The following KLF12 variants were observed in gnomAD, a reference collection of about 807,000 sequenced individuals.
KLF12 encodes the protein KLF transcription factor 12.
A neutral mutation model predicts 37.8 loss-of-function variants in KLF12; 9 were observed. The ratio of observed to expected loss-of-function variants is 0.24; its 90% CI spans 0.14 to 0.42. The LOEUF (loss-of-function observed/expected upper bound fraction) is 0.42, where lower values mean the gene tolerates loss of function less well. KLF12 is among the 10% of genes least tolerant of loss of function. The probability of loss-of-function intolerance (pLI) is 1.00; values close to 1 mark genes in which losing one functional copy is unlikely to be tolerated. For missense variants in KLF12, 411 were observed against 516.0 expected (o/e 0.80, Z 1.97); for synonymous variants, 208 against 202.1 (o/e 1.03, Z -0.25).
At chr13:73,742,048 G>A (rs545455473) in intron 6 of KLF12, among the ~76,000 whole-genome samples, 1 of 152,242 alleles carries the variant, frequency 6.6e-6, no homozygotes, top group African/African-American at 2.4e-5. Flanking sequence ...CGGATATGGT[G>A]AGTTTTAAGC....
chr13:74,201,641 A>C, the KLF12 span, among the ~76,000 whole-genome samples: 1 of 152,114 alleles, frequency 6.6e-6, no homozygotes, highest in Non-Finnish European at 1.5e-5. Context: ...CCTGCCTCTC[A>C]TTCTACTCTT....
chr13:73,889,038 C>T lies in KLF12; in HGVS notation c.124-42665G>A, dbSNP rs144540922. 3.4e-3 allele frequency among the ~76,000 whole-genome samples: 522 copies of T among 152,290 alleles called. 2 individuals carry two copies. Among genetic ancestry groups the T allele is most frequent in the African/African-American group, 0.012 (481 of 41,568 alleles). ...TTTTACAGATTATTTTAGATCCAGA[C>T]TGATTTATGTAGACTTGCCAACATC... On this transcript the variant is annotated intron_variant, in intron 3 of 7. Transcript: ENST00000377669.
chr13:73,969,764 T>C (rs1891277250), intron 2 of KLF12, among the ~76,000 whole-genome samples: 1 of 152,214 alleles, frequency 6.6e-6, no homozygotes, highest in African/African-American at 2.4e-5. Context: ...GAAGTAGTAC[T>C]TTCACAGCTC....
At chr13:73,995,610 T>A (rs1301206892) in intron 1 of KLF12, among the ~76,000 whole-genome samples, 2 of 152,086 alleles carry the variant, frequency 1.3e-5, no homozygotes, top group South Asian at 2.1e-4. Context: ...CAAGTAACTT[T>A]AAAAAAATGA....
intron 6 of KLF12, among the ~76,000 whole-genome samples, chr13:73,760,611 C>G (rs1003100947): frequency 6.6e-6 from 1 of 152,284 alleles, no homozygotes; most frequent in Middle Eastern, 3.4e-3. Context: ...GTGTGAGCCA[C>G]CACATTTGGC....
At chr13:73,870,990 G>C (rs1291259288) in intron 3 of KLF12, among the ~76,000 whole-genome samples, 1 of 152,142 alleles carries the variant, frequency 6.6e-6, no homozygotes, top group Admixed American at 6.5e-5. Flanking sequence ...CAAAGTATGA[G>C]ATATGACTGA....
intron 1 of KLF12, among the ~76,000 whole-genome samples, chr13:74,073,356 A>T (rs1874385880): frequency 6.6e-6 from 1 of 152,212 alleles, no homozygotes; most frequent in Admixed American, 6.5e-5. Context: ...GGACAGTGGA[A>T]TCACATGCAG....
At chr13:74,101,764 G>A (rs559607189) in intron 1 of KLF12, among the ~76,000 whole-genome samples, 25 of 152,276 alleles carry the variant, frequency 1.6e-4, no homozygotes, top group Middle Eastern at 3.4e-3. Context: ...AGTAAACTAG[G>A]AATCTGTGAC....
intron 2 of KLF12, among the ~76,000 whole-genome samples, chr13:73,949,230 C>T (rs1369616715): frequency 6.6e-6 from 1 of 152,148 alleles, no homozygotes; most frequent in Non-Finnish European, 1.5e-5. Flanking sequence ...TATCAATATG[C>T]ACTCCTAATA....
At chr13:73,967,840 T>A (rs1414995634) in intron 2 of KLF12, among the ~76,000 whole-genome samples, 1 of 152,182 alleles carries the variant, frequency 6.6e-6, no homozygotes. Context: ...CTCAGACTAA[T>A]AATTATGAGC....
the KLF12 span, among the ~76,000 whole-genome samples, chr13:74,214,711 T>C: frequency 6.6e-6 from 1 of 152,316 alleles, no homozygotes; most frequent in Non-Finnish European, 1.5e-5. Context: ...CCTAGTGCTC[T>C]GAAATTTCAG....
intron 2 of KLF12, among the ~76,000 whole-genome samples, chr13:73,965,698 C>T (rs1327701916): frequency 6.6e-6 from 1 of 152,200 alleles, no homozygotes; most frequent in Non-Finnish European, 1.5e-5. Context: ...CCCCTTTCCA[C>T]CTTTCATCTT....
chr13:74,051,094 AT>A lies in KLF12; in HGVS notation c.-31-56042del, dbSNP rs1217101522. On this transcript the variant is annotated intron_variant, in intron 1 of 7. Transcript: ENST00000377669. ...TTTTACACTGCTGGTGGGAACAGAA[AT>A]TACAACAGCCATTACAGAAAAGTGT... is the stretch of plus-strand genomic sequence containing the variant. Among the ~76,000 whole-genome samples the A allele has an allele frequency of 5.9e-5, 9 of 152,216 alleles. No homozygotes were observed. In the South Asian group the frequency reaches 8.3e-4, roughly 14 times the overall value.
chr13:73,777,892 G>A (rs1338312101), intron 5 of KLF12, among the ~76,000 whole-genome samples: 1 of 151,948 alleles, frequency 6.6e-6, no homozygotes. Flanking sequence ...AGCACCTTGG[G>A]AGGCCGAGGC....
intron 1 of KLF12, among the ~76,000 whole-genome samples, chr13:74,008,977 G>A (rs1032401566): frequency 2.0e-5 from 3 of 152,310 alleles, no homozygotes; most frequent in East Asian, 1.9e-4. Context: ...AGATACAAAT[G>A]AGGACCATGG....
intron 1 of KLF12, among the ~76,000 whole-genome samples, chr13:74,061,979 G>GT (rs998514568): frequency 4.6e-5 from 7 of 152,128 alleles, no homozygotes; most frequent in Non-Finnish European, 1.0e-4. Flanking sequence ...CTTTGGTGGG[G>GT]TTTTTTTGCA....
chr13:73,933,404 T>G (rs1319423498), intron 3 of KLF12, among the ~76,000 whole-genome samples: 1 of 152,214 alleles, frequency 6.6e-6, no homozygotes, highest in South Asian at 2.1e-4. Flanking sequence ...CAAGATGTGA[T>G]CATGTCTTCT....
chr13:74,060,605 T>C (rs1873540259), intron 1 of KLF12, among the ~76,000 whole-genome samples: 1 of 151,862 alleles, frequency 6.6e-6, no homozygotes, highest in South Asian at 2.1e-4. Flanking sequence ...AACTGAATTT[T>C]GTACACTGGT....
chr13:74,126,677 A>G (rs1469042476), intron 1 of KLF12, among the ~76,000 whole-genome samples: 1 of 152,216 alleles, frequency 6.6e-6, no homozygotes, highest in Admixed American at 6.5e-5. Flanking sequence ...AATTTTTGCC[A>G]AAAGTGGCAA....
Sources: allele counts gnomAD v4.1 joint callset (sites outside exome capture counted in the v4.1 genomes callset), GRCh38; gene constraint gnomAD v4.1.1; transcripts MANE v1.5; gene names NCBI Gene and HGNC (gene_info 2026-07-23, HGNC 2026-07-21).